TCF7L1: variants seen among roughly 807,000 people sequenced by gnomAD.
The protein encoded by TCF7L1 is transcription factor 7 like 1.
Under a neutral mutation model 63.7 loss-of-function variants are expected in TCF7L1, and 18 were observed. The observed-to-expected ratio is 0.28, with a 90% CI of 0.20 to 0.42. TCF7L1 has a LOEUF of 0.42. Among genes scored for constraint, TCF7L1 ranks in the 10% least tolerant of loss-of-function variants. TCF7L1 has a pLI of 1.00. For missense variants in TCF7L1, 654 were observed against 779.3 expected (o/e 0.84, Z 1.91); for synonymous variants, 355 against 340.9 (o/e 1.04, Z -0.46).
At chr2:85,191,467 G>A (rs1429923901) in intron 3 of TCF7L1, among the ~76,000 whole-genome samples, 1 of 152,210 alleles carries the variant, frequency 6.6e-6, no homozygotes, top group Admixed American at 6.5e-5. Context: ...GAAGTGGGAT[G>A]GCACCTCTCA....
chr2:85,196,872 C>T (rs1241569577), intron 3 of TCF7L1, among the ~76,000 whole-genome samples: 1 of 152,206 alleles, frequency 6.6e-6, no homozygotes, highest in Non-Finnish European at 1.5e-5. Context: ...CTGCCCAACC[C>T]CTTCCCCTGA....
chr2:85,303,800 ACCAGGGACATAGGGCAGGATGCTC>A, intron 5 of TCF7L1, 71 bp from the exon 6 acceptor site: 2 of 925,248 alleles, frequency 2.2e-6, no homozygotes, highest in Non-Finnish European at 3.4e-6. Flanking sequence ...GCTCCAGAGC[ACCAGGGACATAGGGCAGGATGCTC>A]CCATTTGATG....
At chr2:85,219,869 G>A (rs891492410) in intron 3 of TCF7L1, among the ~76,000 whole-genome samples, 6 of 152,302 alleles carry the variant, frequency 3.9e-5, no homozygotes, top group South Asian at 2.1e-4. Context: ...AGGTATTTGA[G>A]GGTAAGGTGT....
chr2:85,235,802 G>C lies in TCF7L1; in HGVS notation c.442-47693G>C, dbSNP rs553370435. On this transcript the variant is annotated intron_variant, in intron 3 of 11. Transcript: ENST00000282111. ...TTTGGGAGGCCAAGGTGGGAGCACT[G>C]CTTGAGCCCAGGCATTCAAGATCAG... Among the ~76,000 whole-genome samples, 5 of 152,232 alleles carry C rather than the reference G, an allele frequency of 3.3e-5. No individual in the cohort carries two copies. The East Asian group carries it at 9.7e-4, about 29-fold the overall frequency.
chr2:85,257,325 G>A (rs1455213584), intron 3 of TCF7L1, among the ~76,000 whole-genome samples: 1 of 152,068 alleles, frequency 6.6e-6, no homozygotes, highest in East Asian at 1.9e-4. Flanking sequence ...CCTCCTTCCT[G>A]ACCTACCAAG....
chr2:85,303,679 C>T (rs1682037201), intron 5 of TCF7L1: 3 of 442,704 alleles, frequency 6.8e-6, no homozygotes, highest in Admixed American at 4.0e-5. Context: ...ATCCGTGCAG[C>T]TAGAGAGGGG....
chr2:85,197,238 C>T (rs1488481380), intron 3 of TCF7L1, among the ~76,000 whole-genome samples: 1 of 152,166 alleles, frequency 6.6e-6, no homozygotes, highest in Admixed American at 6.5e-5. Flanking sequence ...CGGTGAAACC[C>T]AGTCTGTACT....
In TCF7L1 at chr2:85,284,707, A is replaced by G. The variant is rs564460005; in HGVS notation, c.525+1129A>G. Among the ~76,000 whole-genome samples, 18 of 152,314 alleles carry G rather than the reference A, an allele frequency of 1.2e-4. No homozygotes were observed. In the East Asian group the frequency reaches 3.5e-3, roughly 29 times the overall value. On this transcript the variant is annotated intron_variant, in intron 4 of 11. Coordinates refer to ENST00000282111, the MANE Select transcript of TCF7L1 (RefSeq NM_031283.3). ...GACCCTCATCCTGCATGACCTATGC[A>G]TTTTACAGACGAGCAGACATAGGAC...
At chr2:85,298,191 C>CAAAAATAAATAAATA (rs1681876291) in intron 4 of TCF7L1, among the ~76,000 whole-genome samples, 1 of 44,742 alleles carries the variant, frequency 2.2e-5, no homozygotes, top group Non-Finnish European at 3.5e-5. Context: ...GACTCCATCT[C>CAAAAATAAATAAATA]AAAAAAAAAA....
intron 3 of TCF7L1, among the ~76,000 whole-genome samples, chr2:85,162,099 G>T (rs1376896864): frequency 6.6e-6 from 1 of 151,928 alleles, no homozygotes; most frequent in Non-Finnish European, 1.5e-5. Flanking sequence ...GCTGGGTGTG[G>T]TGATGCATGC....
chr2:85,236,817 G>C (rs1257094780), intron 3 of TCF7L1, among the ~76,000 whole-genome samples: 1 of 152,116 alleles, frequency 6.6e-6, no homozygotes, highest in Non-Finnish European at 1.5e-5. Flanking sequence ...AGGAATTGCC[G>C]AGTAATAGGA....
At chr2:85,291,275 C>G (rs559912519) in intron 4 of TCF7L1, among the ~76,000 whole-genome samples, 2 of 152,330 alleles carry the variant, frequency 1.3e-5, no homozygotes, top group African/African-American at 4.8e-5. Context: ...TAATTTACTT[C>G]TCACATTTTA....
rs1680849001 is a variant in TCF7L1, at chr2:85,261,126, GTGTGTGTGTGTGTGT to G, written c.442-22368_442-22354del. 4.4e-3 allele frequency among the ~76,000 whole-genome samples: 474 copies of G among 106,878 alleles called. 2 individuals are homozygous for G. The highest frequency in any genetic ancestry group is 0.018 in the African/African-American group (422 of 23,324). The allele number at this position is 106,878 out of a possible 152,430, so 70.1% of individuals were successfully genotyped here. On this transcript the variant is annotated intron_variant, in intron 3 of 11. Coordinates refer to ENST00000282111, the MANE Select transcript of TCF7L1 (RefSeq NM_031283.3). ...AATTACTTCCTCAATTATTGCTGGT[GTGTGTGTGTGTGTGT>G]GTGTGTGTGTGTGTGTGTGTGTGTG...
chr2:85,190,546 G>A (rs1679019950), intron 3 of TCF7L1, among the ~76,000 whole-genome samples: 1 of 152,132 alleles, frequency 6.6e-6, no homozygotes. Context: ...CTTACCATAT[G>A]GCAGCCAACA....
At chr2:85,147,232 A>T (rs924814092) in intron 3 of TCF7L1, among the ~76,000 whole-genome samples, 3 of 152,104 alleles carry the variant, frequency 2.0e-5, no homozygotes, top group Admixed American at 2.0e-4. Context: ...CGTGTCCTCC[A>T]CCTCAGGCCA....
chr2:85,173,041 A>AT (rs1219116250), intron 3 of TCF7L1, among the ~76,000 whole-genome samples: 1 of 152,280 alleles, frequency 6.6e-6, no homozygotes, highest in Non-Finnish European at 1.5e-5. Flanking sequence ...AAAAGAACGA[A>AT]TAAATGAGTG....
rs1678428037 is a variant in TCF7L1 at position 85,166,763 on chromosome 2, G to GGTC, written c.441+32313_441+32314insGTC. 2.6e-5 allele frequency among the ~76,000 whole-genome samples: 4 copies of GGTC among 152,242 alleles called. No homozygotes were observed. In the South Asian group the frequency reaches 8.3e-4, roughly 32 times the overall value. The stretch of plus-strand genomic sequence containing the variant: ...TTTGTCCCAAAGCTGGTCATGGGTT[G>GGTC]ATTGTCTCTTTAGCACCTCTCAGTT... On this transcript the variant is annotated intron_variant, in intron 3 of 11. Coordinates refer to ENST00000282111, the MANE Select transcript of TCF7L1 (RefSeq NM_031283.3).
At chr2:85,185,960 A>ATTTTTT (rs67142055) in intron 3 of TCF7L1, among the ~76,000 whole-genome samples, 17 of 94,616 alleles carry the variant, frequency 1.8e-4, no homozygotes, top group African/African-American at 4.0e-4. Flanking sequence ...AACACAGGGG[A>ATTTTTT]TTTTTTTTTT....
intron 3 of TCF7L1, among the ~76,000 whole-genome samples, chr2:85,215,963 G>C (rs578089762): frequency 2.0e-5 from 3 of 152,276 alleles, no homozygotes; most frequent in African/African-American, 7.2e-5. Flanking sequence ...CCAGGTTTTT[G>C]TGGTCAAATT....
Sources: gnomAD v4.1 joint callset for allele counts (sites outside exome capture counted in the v4.1 genomes callset) on GRCh38, gnomAD v4.1.1 for gene constraint, MANE v1.5 for transcripts, NCBI Gene and HGNC (gene_info 2026-07-23, HGNC 2026-07-21) for gene names.